NUP210: variants seen among roughly 807,000 people sequenced by gnomAD.
NUP210 encodes the protein nuclear pore membrane glycoprotein 210.
NUP210 carries 151 observed loss-of-function variants against 196.0 expected under a neutral mutation model. The ratio of observed to expected loss-of-function variants is 0.77; its 90% CI spans 0.67 to 0.88. NUP210 has a LOEUF of 0.88. NUP210 is among the 40% of genes least tolerant of loss of function. The pLI is 0.00. For synonymous variants in NUP210, 1,070 were observed against 1,052.7 expected, an observed-to-expected ratio of 1.02 and a Z score of -0.32; for missense variants, 2,314 against 2,493.7, an observed-to-expected ratio of 0.93 and a Z score of 1.53.
chr3:13,368,836 G>A (rs1278917571), intron 13 of NUP210, among the ~76,000 whole-genome samples: 1 of 152,166 alleles, frequency 6.6e-6, no homozygotes, highest in Non-Finnish European at 1.5e-5. Context: ...TTCCAACGGT[G>A]GACACCTGGG....
intron 4 of NUP210, among the ~76,000 whole-genome samples, chr3:13,390,668 CCAAGTCTCAGCCTCCA>C (rs1234165144): frequency 6.6e-6 from 1 of 152,250 alleles, no homozygotes; most frequent in Non-Finnish European, 1.5e-5. Flanking sequence ...CTCGGCCTCT[CCAAGTCTCAGCCTCCA>C]CAACTACTCG....
Position 13,353,543 on chromosome 3 carries a change from C to G in NUP210, c.2628+11G>C. On this transcript the variant is annotated intron_variant, in intron 18 of 39. Coordinates refer to ENST00000254508, the MANE Select transcript of NUP210 (RefSeq NM_024923.4). Reference sequence around the variant, plus strand: ...CCCATAGCCCACCCACCACTGGGCCCTGGGAGATACCGGCTGCTTTGTTCT... The same window carrying G: ...CCCATAGCCCACCCACCACTGGGCCGTGGGAGATACCGGCTGCTTTGTTCT... 1.2e-6 allele frequency: 2 copies of G among 1,609,884 alleles called. No homozygotes were observed. Among genetic ancestry groups the G allele is most frequent in the Non-Finnish European group, 1.7e-6 (2 of 1,176,190 alleles).
chr3:13,327,070 A>T lies in NUP210; in HGVS notation c.4507+147T>A. 3 of 636,018 alleles carry T rather than the reference A, an allele frequency of 4.7e-6. No homozygotes were observed. The East Asian group carries it at 8.3e-5, about 18-fold the overall frequency. 39.4% of individuals were successfully genotyped at this position (636,018 alleles called of 1,614,324 possible). A position where few individuals can be genotyped will look rare whatever the true frequency, so the allele number is the denominator to read the frequency against. On this transcript the variant is annotated intron_variant, in intron 32 of 39. Coordinates refer to ENST00000254508, the MANE Select transcript of NUP210 (RefSeq NM_024923.4). The stretch of plus-strand genomic sequence containing the variant: ...CACAGGCTGGATCTGGTCTCCGGGC[A>T]GCAGTTTTGGAGCACTGCTCCTGAG...
intron 6 of NUP210, among the ~76,000 whole-genome samples, chr3:13,383,552 T>A (rs1190821694): frequency 8.4e-6 from 1 of 118,616 alleles, no homozygotes; most frequent in East Asian, 2.6e-4. Flanking sequence ...AGACAGAGTC[T>A]CACTCTGTCG....
Position 13,321,687 on chromosome 3 carries a change from G to A in NUP210, c.5064C>T (p.Ser1688=), listed in dbSNP as rs1433478320. 1.9e-6 allele frequency: 3 copies of A among 1,614,062 alleles called. No individual in the cohort carries two copies. Among genetic ancestry groups the A allele is most frequent in the Non-Finnish European group, 2.5e-6 (3 of 1,180,038 alleles). ...TEQVGAEVPF[S]PGLFADQAEI... ...CAGCCTGGTCGGCGAAGAGACCTGGGCTGAAGGGCACCTCGGCCCCCACCT... is the reference window on the plus strand; with the variant it reads ...CAGCCTGGTCGGCGAAGAGACCTGGACTGAAGGGCACCTCGGCCCCCACCT... Residue 1688 remains serine, a synonymous_variant, in exon 36 of 40, where the codon AGC becomes AGT. Coordinates refer to ENST00000254508, the MANE Select transcript of NUP210 (RefSeq NM_024923.4).
rs183583084 is a variant in NUP210, at chr3:13,386,168, G to A, written c.817+107C>T. 2.6e-3 allele frequency: 3,211 copies of A among 1,219,708 alleles called. 7 individuals are homozygous for A. The highest frequency in any genetic ancestry group is 3.2e-3 in the Non-Finnish European group (2,741 of 866,796). 75.6% of individuals were successfully genotyped at this position (1,219,708 alleles called of 1,614,324 possible). On this transcript the variant is annotated intron_variant, in intron 6 of 39. Transcript: ENST00000254508. ...GTGAATGTACTTGATGCTACCTGAT[G>A]GAGCACTTAAAAATGGTTAAGATGG...
intron 20 of NUP210, among the ~76,000 whole-genome samples, chr3:13,349,931 G>A (rs1697908920): frequency 6.6e-6 from 1 of 152,192 alleles, no homozygotes; most frequent in Non-Finnish European, 1.5e-5. Flanking sequence ...CATCTTCTAG[G>A]GAAAGGGTCC....
intron 8 of NUP210, among the ~76,000 whole-genome samples, chr3:13,378,571 G>A (rs1235720292): frequency 1.3e-5 from 2 of 152,186 alleles, no homozygotes; most frequent in African/African-American, 4.8e-5. Flanking sequence ...CTCTATAATT[G>A]AGCTGACACT....
chr3:13,375,444 A>G, intron 11 of NUP210, 60 bp downstream of exon 11: 2 of 1,523,552 alleles, frequency 1.3e-6, no homozygotes, highest in Non-Finnish European at 1.8e-6. Flanking sequence ...AATGGACAAA[A>G]AGCCACAATC....
rs1356617573 is a variant in NUP210 at position 13,350,523 on chromosome 3, AAGGC to A, written c.2835+1352_2835+1355del. Among the ~76,000 whole-genome samples the A allele has an allele frequency of 1.3e-5, 2 of 152,260 alleles. No individual in the cohort carries two copies. The highest frequency in any genetic ancestry group is 4.8e-5 in the African/African-American group (2 of 41,536). ...AAAACATGACCCGTACTCCAGAAAA[AAGGC>A]AGATGACAGAAACTGTCTGTGAGGG... On this transcript the variant is annotated intron_variant, in intron 20 of 39. Coordinates refer to ENST00000254508, the MANE Select transcript of NUP210 (RefSeq NM_024923.4). The surrounding 1 kb of genome is among the most constrained non-coding windows in gnomAD (Gnocchi z 4.1).
intron 6 of NUP210, among the ~76,000 whole-genome samples, chr3:13,381,155 C>T (rs1007963158): frequency 6.6e-6 from 1 of 152,198 alleles, no homozygotes; most frequent in Non-Finnish European, 1.5e-5. Flanking sequence ...AGCAGTGCAT[C>T]AAAGATAAAT....
chr3:13,388,952 G>A (rs1020237257), intron 4 of NUP210, among the ~76,000 whole-genome samples: 7 of 152,216 alleles, frequency 4.6e-5, no homozygotes, highest in Non-Finnish European at 7.3e-5. Flanking sequence ...GGCACCAGAC[G>A]GCACCATGTC....
At chr3:13,353,865 G>C in intron 17 of NUP210, 50 bp downstream of exon 17, 6 of 1,547,900 alleles carry the variant, frequency 3.9e-6, no homozygotes, top group Non-Finnish European at 5.3e-6. Context: ...CAGGCTTCCT[G>C]TCTGGTCTCT....
At position 13,388,319 on chromosome 3, in the gene NUP210, T is replaced by G; in HGVS notation, c.668A>C (p.Gln223Pro). 2 of 1,608,818 alleles carry G rather than the reference T, an allele frequency of 1.2e-6. No individual in the cohort carries two copies. Among genetic ancestry groups the G allele is most frequent in the East Asian group, 4.5e-5 (2 of 44,694 alleles). Residue 223 changes from glutamine (Q) to proline (P), a missense_variant, in exon 5 of 40, where the codon CAG becomes CCG. By Grantham distance (76) the Gln-to-Pro change is moderately conservative. Coordinates refer to ENST00000254508, the MANE Select transcript of NUP210 (RefSeq NM_024923.4). ...CAGGCCCACCTTGTAGACAGCCTCC[T>G]GGATGCGAGCCTTGAGCTTGGAGCT... ...TGSSKLKARI[Q>P]EAVYKNVRPA...
intron 20 of NUP210, chr3:13,345,272 G>A (rs1697676739): frequency 4.1e-6 from 4 of 975,974 alleles, no homozygotes; most frequent in Non-Finnish European, 4.9e-6. Context: ...TATTTGGAAA[G>A]TGCTGATTCT....
intron 4 of NUP210, among the ~76,000 whole-genome samples, chr3:13,389,092 G>A (rs1699390830): frequency 6.6e-6 from 1 of 152,200 alleles, no homozygotes; most frequent in African/African-American, 2.4e-5. Context: ...ATTTACAAAC[G>A]AGCCCACTGT....
chr3:13,329,935 G>A (rs997726690), intron 30 of NUP210, among the ~76,000 whole-genome samples: 21 of 152,222 alleles, frequency 1.4e-4, no homozygotes, highest in African/African-American at 4.3e-4. Flanking sequence ...CTCTCACTCT[G>A]AGCCTCAGTC....
At chr3:13,365,716 G>A (rs1698507460) in intron 14 of NUP210, among the ~76,000 whole-genome samples, 1 of 152,362 alleles carries the variant, frequency 6.6e-6, no homozygotes, top group South Asian at 2.1e-4. Flanking sequence ...AGCCTGCCAA[G>A]CGCTGTCTCG....
intron 33 of NUP210, among the ~76,000 whole-genome samples, chr3:13,324,597 C>T (rs1331074797): frequency 2.0e-5 from 3 of 152,140 alleles, no homozygotes; most frequent in African/African-American, 4.8e-5. Flanking sequence ...TCTGATGTGC[C>T]TCCCTCCCTC....
Sources: allele counts gnomAD v4.1 joint callset (sites outside exome capture counted in the v4.1 genomes callset), GRCh38; gene constraint gnomAD v4.1.1; non-coding constraint Gnocchi (gnomAD v3.1); transcripts MANE v1.5; gene names NCBI Gene and HGNC (gene_info 2026-07-23, HGNC 2026-07-21).